The following TRPM3 variants were observed in gnomAD, a reference collection of about 807,000 sequenced individuals.
TRPM3 encodes the protein transient receptor potential cation channel subfamily M member 3, also known as long transient receptor potential channel 3.
TRPM3 carries 77 observed loss-of-function variants against 181.2 expected under a neutral mutation model. The observed-to-expected ratio is 0.42, with a 90% confidence interval of 0.35 to 0.51. The LOEUF (loss-of-function observed/expected upper bound fraction) is 0.51, where lower values mean the gene tolerates loss of function less well. TRPM3 is among the 20% of genes least tolerant of loss of function. The pLI is 0.01. For synonymous variants in TRPM3, 745 were observed against 796.4 expected, an observed-to-expected ratio of 0.94 and a Z score of 1.09; for missense variants, 1,759 against 2,196.7, an observed-to-expected ratio of 0.80 and a Z score of 3.98.
intron 1 of TRPM3, among the ~76,000 whole-genome samples, chr9:70,975,758 A>G (rs2097295836): frequency 6.6e-6 from 1 of 152,196 alleles, no homozygotes; most frequent in African/African-American, 2.4e-5. Context: ...GCATGGTATT[A>G]TGGAAGGAAC....
At chr9:71,275,845 C>T (rs78570600) in intron 1 of TRPM3, among the ~76,000 whole-genome samples, 2,121 of 143,424 alleles carry the variant, frequency 0.015, 56 homozygotes, top group African/African-American at 0.051. Flanking sequence ...AAAGAAGGAA[C>T]TTTTTTTTTT....
intron 1 of TRPM3, among the ~76,000 whole-genome samples, chr9:71,219,999 C>T (rs1272102683): frequency 3.3e-5 from 5 of 152,128 alleles, no homozygotes; most frequent in Admixed American, 1.3e-4. Context: ...AGGTTTAAAA[C>T]CACCAGATTG....
At position 70,936,165 on chromosome 9, in the gene TRPM3, A is replaced by G. The variant is rs866137754; in HGVS notation, c.178-71654T>C. On this transcript the variant is annotated intron_variant, in intron 1 of 25. Coordinates refer to ENST00000677713, the MANE Select transcript of TRPM3 (RefSeq NM_001366145.2). ...CTCCAAGGTTTTAAAACTTGATTGCATAACAAATGTACTGTAAGTTTAATA... is the reference window on the plus strand; with the variant it reads ...CTCCAAGGTTTTAAAACTTGATTGCGTAACAAATGTACTGTAAGTTTAATA... Among the ~76,000 whole-genome samples, 6 of 152,368 alleles carry G rather than the reference A, an allele frequency of 3.9e-5. No individual in the cohort carries two copies. In the Middle Eastern group the frequency reaches 0.014, roughly 346 times the overall value.
chr9:70,672,365 C>T (rs905141453), intron 9 of TRPM3, among the ~76,000 whole-genome samples: 14 of 152,122 alleles, frequency 9.2e-5, no homozygotes, highest in African/African-American at 3.1e-4. Flanking sequence ...TCTGGTACTG[C>T]TCATGATCAC....
intron 1 of TRPM3, among the ~76,000 whole-genome samples, chr9:71,050,585 AT>A (rs1196391842): frequency 6.6e-6 from 1 of 152,236 alleles, no homozygotes; most frequent in Non-Finnish European, 1.5e-5. Context: ...CCACAAAAAA[AT>A]AAAATCTTTA....
rs368696420 is a variant in TRPM3 at position 70,553,019 on chromosome 9, C to T, written c.3399G>A (p.Ser1133=). The T allele has an allele frequency of 6.2e-6, 10 of 1,614,084 alleles. No homozygotes were observed. Among genetic ancestry groups the T allele is most frequent in the East Asian group, 2.2e-5 (1 of 44,886 alleles). Residue 1133 remains serine (S), a synonymous_variant, in exon 24 of 26, where the codon TCG becomes TCA. Coordinates refer to ENST00000677713, the MANE Select transcript of TRPM3 (RefSeq NM_001366145.2). ...GAAACTTCCAGACTTGGTTGGATAT[C>T]GATTTTACTTCAAAAAATGTATTGC... ...VFNNTFFEVK[S]ISNQVWKFQR...
intron 22 of TRPM3, among the ~76,000 whole-genome samples, chr9:70,564,961 A>C (rs532292987): frequency 6.6e-6 from 1 of 152,322 alleles, no homozygotes; most frequent in South Asian, 2.1e-4. Context: ...TGCAGGCACT[A>C]ATTCCTCTCT....
chr9:71,032,072 T>TAA (rs373512981), intron 1 of TRPM3, among the ~76,000 whole-genome samples: 4,422 of 9,424 alleles, frequency 0.47, 492 homozygotes, highest in Middle Eastern at 0.7. Flanking sequence ...ATATATTATA[T>TAA]TATATTATAT....
chr9:71,326,298 C>T lies in TRPM3; in HGVS notation c.183+120355G>A, dbSNP rs563728408. Among the ~76,000 whole-genome samples the T allele has an allele frequency of 5.8e-4, 88 of 152,320 alleles. 1 individual carries two copies. The highest frequency in any genetic ancestry group is 1.2e-3 in the Admixed American group (19 of 15,300). The stretch of plus-strand genomic sequence containing the variant: ...TCAGAGCTAGAGAAAAGCCAAAAGA[C>T]TACTGCATACATTTCCATGTTACAG... On this transcript the variant is annotated intron_variant, in intron 1 of 24. Coordinates refer to the TRPM3 transcript ENST00000357533.
At chr9:70,755,784 G>T (rs1215843732) in intron 8 of TRPM3, among the ~76,000 whole-genome samples, 1 of 152,118 alleles carries the variant, frequency 6.6e-6, no homozygotes, top group Non-Finnish European at 1.5e-5. Flanking sequence ...GGGAGATTTT[G>T]TCACCACCAG....
intron 1 of TRPM3, among the ~76,000 whole-genome samples, chr9:71,347,554 C>A (rs1406459634): frequency 6.6e-6 from 1 of 152,006 alleles, no homozygotes; most frequent in Non-Finnish European, 1.5e-5. Flanking sequence ...ACAAAATAAA[C>A]ATTTTGAATA....
intron 1 of TRPM3, among the ~76,000 whole-genome samples, chr9:71,197,032 C>T (rs1309175018): frequency 2.0e-5 from 3 of 151,986 alleles, no homozygotes; most frequent in South Asian, 2.1e-4. Context: ...TCCCACACCC[C>T]ACAAGAGTCC....
chr9:71,272,730 GATC>G (rs1307597431), intron 1 of TRPM3, among the ~76,000 whole-genome samples: 1 of 138,436 alleles, frequency 7.2e-6, no homozygotes, highest in African/African-American at 2.6e-5. Flanking sequence ...CATTTTGTAT[GATC>G]ATATATTTTT....
At chr9:71,253,480 T>C (rs992472006) in intron 1 of TRPM3, among the ~76,000 whole-genome samples, 3 of 152,204 alleles carry the variant, frequency 2.0e-5, no homozygotes, top group East Asian at 1.9e-4. Context: ...CAGCCACTTA[T>C]AAGCATTACA....
intron 1 of TRPM3, among the ~76,000 whole-genome samples, chr9:71,420,966 G>GGAGAGAAAAAGAGAGAGAAAAAGAAAAA (rs2093753823): frequency 2.5e-5 from 1 of 39,442 alleles, no homozygotes; most frequent in African/African-American, 1.1e-4. Context: ...AGAGAAAAAG[G>GGAGAGAAAAAGAGAGAGAAAAAGAAAAA]GAGAGAAAAA....
chr9:71,221,951 T>C (rs1588022780), intron 1 of TRPM3, among the ~76,000 whole-genome samples: 1 of 152,298 alleles, frequency 6.6e-6, no homozygotes, highest in South Asian at 2.1e-4. Flanking sequence ...ATAAGATAAA[T>C]ATCAATTTCC....
intron 9 of TRPM3, among the ~76,000 whole-genome samples, chr9:70,653,754 C>A (rs1364248477): frequency 6.6e-6 from 1 of 151,712 alleles, no homozygotes. Context: ...TACCTCTTTC[C>A]CCTTCACCAT....
In TRPM3 at chr9:70,535,032, G is replaced by GTTTTTTTTTTTTTT. The variant is rs5898149; in HGVS notation, c.*907_*920dup. 7.2e-6 allele frequency: 1 copy of GTTTTTTTTTTTTTT among 139,734 alleles called. No homozygotes were observed. The highest frequency in any genetic ancestry group is 1.5e-5 in the Non-Finnish European group (1 of 65,682). The allele number at this position is 139,734 out of a possible 1,614,324, so 8.7% of individuals were successfully genotyped here. ...CAATTTCAGGCTAGTTCTGTCCACT[G>GTTTTTTTTTTTTTT]TTTTTTTTTTTTTTTTTTTAAGTTC... On this transcript the variant is annotated 3_prime_UTR_variant, in exon 26 of 26. Transcript: ENST00000677713.
intron 6 of TRPM3, 77 bp downstream of exon 6, chr9:70,827,770 C>T: frequency 3.3e-6 from 5 of 1,509,382 alleles, no homozygotes; most frequent in Non-Finnish European, 4.5e-6. Context: ...TATTACATTG[C>T]TGCATGGTGT....
Sources: allele counts gnomAD v4.1 joint callset (sites outside exome capture counted in the v4.1 genomes callset), GRCh38; gene constraint gnomAD v4.1.1; transcripts MANE v1.5; gene names NCBI Gene and HGNC (gene_info 2026-07-23, HGNC 2026-07-21).